HESX1: variants seen among roughly 807,000 people sequenced by gnomAD.
HESX1 encodes the protein homeobox expressed in ES cells 1.
Under a neutral mutation model 22.5 loss-of-function variants are expected in HESX1, and 11 were observed. The ratio of observed to expected loss-of-function variants is 0.49; its 90% CI spans 0.31 to 0.81. The LOEUF is 0.81. HESX1 is among the 30% of genes least tolerant of loss of function. The pLI is 0.05. For missense variants in HESX1, 201 were observed against 212.6 expected (o/e 0.95, Z 0.34); for synonymous variants, 74 against 76.5 (o/e 0.97, Z 0.17).
chr3:57,211,400 T>C (rs1171692408), intron 1 of HESX1, among the ~76,000 whole-genome samples: 2 of 151,194 alleles, frequency 1.3e-5, no homozygotes, highest in Non-Finnish European at 2.9e-5. Flanking sequence ...CGTGGTAGCA[T>C]GCGCCTGTGA....
chr3:57,205,415 C>A (rs1228178957), intron 1 of HESX1, among the ~76,000 whole-genome samples: 1 of 152,124 alleles, frequency 6.6e-6, no homozygotes, highest in East Asian at 1.9e-4. Context: ...AACAAACAAA[C>A]ACAAACACAA....
intron 1 of HESX1, among the ~76,000 whole-genome samples, chr3:57,213,654 C>A (rs186820887): frequency 6.6e-6 from 1 of 152,172 alleles, no homozygotes; most frequent in African/African-American, 2.4e-5. Context: ...TGGCCAGGCG[C>A]GGTGGCTCAC....
upstream of HESX1, among the ~76,000 whole-genome samples, chr3:57,204,957 C>A (rs1431191320): frequency 6.6e-6 from 1 of 152,116 alleles, no homozygotes; most frequent in East Asian, 1.9e-4. Flanking sequence ...TACAAGAATA[C>A]AGTCAAGAGA....
chr3:57,221,673 C>G (rs1475022388), intron 1 of HESX1, among the ~76,000 whole-genome samples: 1 of 152,160 alleles, frequency 6.6e-6, no homozygotes, highest in Non-Finnish European at 1.5e-5. Flanking sequence ...GTGGCACAAT[C>G]TCGGCTCACT....
chr3:57,198,550 G>C, intron 2 of HESX1, 58 bp from the exon 3 acceptor site: 2 of 1,140,670 alleles, frequency 1.8e-6, no homozygotes. Context: ...TTAATTTCTA[G>C]AGTAAAATGA....
chr3:57,218,752 C>G (rs557919058), intron 1 of HESX1, among the ~76,000 whole-genome samples: 1 of 152,132 alleles, frequency 6.6e-6, no homozygotes, highest in Non-Finnish European at 1.5e-5. Context: ...CAATCTTACT[C>G]TTTTTTATGG....
Position 57,198,166 on chromosome 3 carries a change from A to G in HESX1, c.*31T>C, listed in dbSNP as rs1272217253. On this transcript the variant is annotated 3_prime_UTR_variant, in exon 4 of 4. Coordinates refer to ENST00000295934, the MANE Select transcript of HESX1 (RefSeq NM_003865.3). Reference sequence around the variant, plus strand: ...CACTGATTCTTCATGCTCTGCAATTAGAAGATAATTTCACTTGTTTAGTTT... The same window carrying G: ...CACTGATTCTTCATGCTCTGCAATTGGAAGATAATTTCACTTGTTTAGTTT... 1 of 1,278,700 alleles carries G rather than the reference A, an allele frequency of 7.8e-7. No individual in the cohort carries two copies. The allele number at this position is 1,278,700 out of a possible 1,614,324, so 79.2% of individuals were successfully genotyped here.
chr3:57,204,053 C>T (rs191605557), upstream of HESX1, among the ~76,000 whole-genome samples: 47 of 152,356 alleles, frequency 3.1e-4, no homozygotes, highest in Non-Finnish European at 5.9e-4. Flanking sequence ...GGATCAGATC[C>T]TAATCCATCT....
At chr3:57,214,778 C>G (rs1418220266) in intron 1 of HESX1, among the ~76,000 whole-genome samples, 2 of 152,060 alleles carry the variant, frequency 1.3e-5, no homozygotes, top group Non-Finnish European at 2.9e-5. Context: ...TAAGGCCCAT[C>G]AGAGACAGGG....
At position 57,199,886 on chromosome 3, in the gene HESX1, G is replaced by C. The variant is rs775835444; in HGVS notation, c.33C>G (p.Leu11=). 5.0e-6 allele frequency: 8 copies of C among 1,613,868 alleles called. No individual in the cohort carries two copies. In the East Asian group the frequency reaches 1.3e-4, roughly 27 times the overall value. ...AGCAAGTTGAGGGTTTGTTTTCCCC[G>C]AGCTGAGCGCCTTCCTGAAGGCTGG... MSPSLQEGAQ[L]GENKPSTCSF... is the part of the protein sequence containing the mutation. Residue 11 remains leucine (L), a synonymous_variant, in exon 1 of 4, where the codon CTC becomes CTG. Transcript: ENST00000295934.
intron 1 of HESX1, among the ~76,000 whole-genome samples, chr3:57,224,791 T>A (rs2060633215): frequency 2.6e-5 from 4 of 152,220 alleles, no homozygotes; most frequent in Admixed American, 2.6e-4. Flanking sequence ...AAAAACCTAA[T>A]TATAAGACCA....
intron 1 of HESX1, among the ~76,000 whole-genome samples, chr3:57,212,031 G>C (rs2060557349): frequency 6.6e-6 from 1 of 152,154 alleles, no homozygotes; most frequent in African/African-American, 2.4e-5. Flanking sequence ...ACCCAGCACA[G>C]TGCCTGTCAC....
At chr3:57,212,944 C>T (rs76845768) in intron 1 of HESX1, among the ~76,000 whole-genome samples, 4,176 of 152,150 alleles carry the variant, frequency 0.027, 244 homozygotes, top group East Asian at 0.19. Flanking sequence ...CCTCCTCCAG[C>T]CCCTCACCTC....
At chr3:57,222,829 C>A (rs2060622624) in intron 1 of HESX1, among the ~76,000 whole-genome samples, 1 of 151,930 alleles carries the variant, frequency 6.6e-6, no homozygotes, top group Non-Finnish European at 1.5e-5. Context: ...CCTCAAAAGC[C>A]CCCAAATCAA....
intron 1 of HESX1, among the ~76,000 whole-genome samples, chr3:57,212,966 G>C (rs1216234775): frequency 6.6e-6 from 1 of 151,792 alleles, no homozygotes; most frequent in South Asian, 2.1e-4. Flanking sequence ...GACAGGCCTC[G>C]GTGTGTGATG....
intron 1 of HESX1, among the ~76,000 whole-genome samples, chr3:57,217,285 C>T (rs899750773): frequency 1.3e-5 from 2 of 152,154 alleles, no homozygotes; most frequent in African/African-American, 4.8e-5. Flanking sequence ...TTTACATCTA[C>T]ATTTATTTCC....
rs575112817 is a variant in HESX1 at position 57,198,751 on chromosome 3, A to T, written c.357+2T>A. 1.2e-6 allele frequency: 2 copies of T among 1,613,702 alleles called. No individual in the cohort carries two copies. The highest frequency in any genetic ancestry group is 2.2e-5 in the South Asian group (2 of 91,064). ...TCATTATTGGGTGAAAAAACTTCCC[A>T]CCTGGTTTTGAGTAAAAGCAGTTCT... is the stretch of plus-strand genomic sequence containing the variant. On this transcript the variant is annotated splice_donor_variant, in intron 2 of 3. Transcript: ENST00000295934. LOFTEE classifies it high-confidence loss of function.
chr3:57,213,631 A>G (rs937488846), intron 1 of HESX1, among the ~76,000 whole-genome samples: 5 of 152,262 alleles, frequency 3.3e-5, no homozygotes, highest in African/African-American at 1.2e-4. Context: ...GGTTTTAAAC[A>G]ACTTTAATTT....
chr3:57,213,052 GACAC>G (rs113793630), intron 1 of HESX1, among the ~76,000 whole-genome samples: 1 of 149,802 alleles, frequency 6.7e-6, no homozygotes, highest in South Asian at 2.1e-4. Context: ...CCCATAGTGT[GACAC>G]ACACACACAC....
Sources: allele counts gnomAD v4.1 joint callset (sites outside exome capture counted in the v4.1 genomes callset), GRCh38; gene constraint gnomAD v4.1.1; transcripts MANE v1.5; gene names NCBI Gene and HGNC (gene_info 2026-07-23, HGNC 2026-07-21).